IQCH: variants seen among roughly 807,000 people sequenced by gnomAD.
IQCH encodes the protein IQ domain-containing protein H.
IQCH carries 98 observed loss-of-function variants against 117.0 expected under a neutral mutation model. The observed-to-expected ratio is 0.84, with a 90% CI of 0.71 to 0.99. The LOEUF (loss-of-function observed/expected upper bound fraction) is 0.99. IQCH is among the 50% of genes least tolerant of loss of function. The probability of loss-of-function intolerance (pLI) is 0.00; values close to 1 mark genes in which losing one functional copy is unlikely to be tolerated. For missense variants in IQCH, 1,102 were observed against 1,243.8 expected, an observed-to-expected ratio of 0.89 and a Z score of 1.72; for synonymous variants, 412 against 448.2, an observed-to-expected ratio of 0.92 and a Z score of 1.02.
At chr15:67,389,698 T>C (rs769147299) in intron 12 of IQCH, among the ~76,000 whole-genome samples, 2 of 152,208 alleles carry the variant, frequency 1.3e-5, no homozygotes, top group Admixed American at 6.5e-5. Flanking sequence ...TAATGGACTA[T>C]GCATTTTTGA....
chr15:67,372,337 T>A lies in IQCH; in HGVS notation c.980T>A (p.Leu327His). 1.2e-6 allele frequency: 2 copies of A among 1,614,052 alleles called. No homozygotes were observed. Among genetic ancestry groups the A allele is most frequent in the Non-Finnish European group, 1.7e-6 (2 of 1,179,990 alleles). The change falls in exon 9 of 21, where the codon CTC becomes CAC. Residue 327 changes from leucine to histidine, a missense_variant. Coordinates refer to ENST00000335894, the MANE Select transcript of IQCH (RefSeq NM_001031715.3). Reference protein sequence around the residue: ...VKIKGNNLVALLPEFELTNKL... With the variant: ...VKIKGNNLVAHLPEFELTNKL... Reference sequence around the variant, plus strand: ...ATAAAAGGGAATAATTTGGTGGCCCTCCTTCCAGAGTTTGAGCTGACGAAT... The same window carrying A: ...ATAAAAGGGAATAATTTGGTGGCCCACCTTCCAGAGTTTGAGCTGACGAAT...
rs2082922898 is a variant in IQCH, at chr15:67,465,993, A to G, written c.2676+696A>G. Among the ~76,000 whole-genome samples, 1 of 152,180 alleles carries G rather than the reference A, an allele frequency of 6.6e-6. No individual in the cohort carries two copies. The highest frequency in any genetic ancestry group is 6.5e-5 in the Admixed American group (1 of 15,278). On this transcript the variant is annotated intron_variant, in intron 17 of 20. Transcript: ENST00000335894. The surrounding 1 kb of genome is among the most constrained non-coding windows in gnomAD (Gnocchi z 5.9). ...GGCAAGGTGAAAAGCCAGTCTGAGC[A>G]TGTTGTTCCCCTGTGTGTGATTTTG...
At chr15:67,371,451 G>A in intron 8 of IQCH, 2 of 1,518,028 alleles carry the variant, frequency 1.3e-6, no homozygotes, top group South Asian at 2.8e-5. Flanking sequence ...ATCCACCTGG[G>A]ACAGCCCCAG....
Position 67,496,736 on chromosome 15 carries a change from C to T in IQCH, c.2970+2370C>T, listed in dbSNP as rs1430922113. ...GAAGAAGAAATAAAAGTAAAAGTAT[C>T]GGCCGGGCACGGTGGCTCACGCCTG... On this transcript the variant is annotated intron_variant, in intron 20 of 20. Coordinates refer to ENST00000335894, the MANE Select transcript of IQCH (RefSeq NM_001031715.3). The surrounding 1 kb of genome is among the most constrained non-coding windows in gnomAD (Gnocchi z 4.4). Among the ~76,000 whole-genome samples the T allele has an allele frequency of 6.6e-6, 1 of 151,772 alleles. No individual in the cohort carries two copies. The highest frequency in any genetic ancestry group is 1.5e-5 in the Non-Finnish European group (1 of 67,920).
chr15:67,419,734 A>T (rs898620427), intron 15 of IQCH, among the ~76,000 whole-genome samples: 4 of 152,104 alleles, frequency 2.6e-5, no homozygotes, highest in Non-Finnish European at 5.9e-5. Flanking sequence ...ATTGTTTACA[A>T]TTCACAATTT....
rs1430668723 is a variant in IQCH at position 67,342,604 on chromosome 15, A to G, written c.509-1459A>G. On this transcript the variant is annotated intron_variant, in intron 5 of 20. Coordinates refer to ENST00000335894, the MANE Select transcript of IQCH (RefSeq NM_001031715.3). This position sits in a 1 kb window ranked among gnomAD's most constrained non-coding sequence, Gnocchi z 4.7. ...GCAAAACAGAGTTCTTGGAAATGAA[A>G]TTTGATATTTATAGGTGGAAAATAT... is the stretch of plus-strand genomic sequence containing the variant. 2.6e-5 allele frequency among the ~76,000 whole-genome samples: 4 copies of G among 152,288 alleles called. No individual in the cohort carries two copies. In the East Asian group the frequency reaches 5.8e-4, roughly 22 times the overall value.
chr15:67,286,323 GT>G (rs1966559751), intron 4 of IQCH, among the ~76,000 whole-genome samples: 1 of 152,230 alleles, frequency 6.6e-6, no homozygotes, highest in East Asian at 1.9e-4. Flanking sequence ...AGTTCTAATA[GT>G]TTTTTGGTGG....
In IQCH at chr15:67,465,580, CA is replaced by C. The variant is rs1310486302; in HGVS notation, c.2676+285del. Among the ~76,000 whole-genome samples the C allele has an allele frequency of 1.3e-5, 2 of 152,194 alleles. No individual in the cohort carries two copies. The highest frequency in any genetic ancestry group is 2.4e-5 in the African/African-American group (1 of 41,456). ...ACACCTACACCCATTGCCTCAACTA[CA>C]AGCTGTTTCACACAAAACCCATATT... On this transcript the variant is annotated intron_variant, in intron 17 of 20. Transcript: ENST00000335894. The surrounding 1 kb of genome is among the most constrained non-coding windows in gnomAD (Gnocchi z 5.9).
chr15:67,391,111 T>C lies in IQCH; in HGVS notation c.1632+2105T>C, dbSNP rs1971271629. Reference sequence around the variant, plus strand: ...ATCCTATTACCTGAGAACCATACCCTTGCTAGTCCACTCTGGCTTCTAGTG... The same window carrying C: ...ATCCTATTACCTGAGAACCATACCCCTGCTAGTCCACTCTGGCTTCTAGTG... On this transcript the variant is annotated intron_variant, in intron 12 of 20. Transcript: ENST00000335894. This position sits in a 1 kb window ranked among gnomAD's most constrained non-coding sequence, Gnocchi z 4.3. Among the ~76,000 whole-genome samples the C allele has an allele frequency of 6.6e-6, 1 of 152,132 alleles. No individual in the cohort carries two copies. Among genetic ancestry groups the C allele is most frequent in the South Asian group, 2.1e-4 (1 of 4,828 alleles).
In IQCH at chr15:67,473,834, A is replaced by G. The variant is rs970248054; in HGVS notation, c.2677-1862A>G. On this transcript the variant is annotated intron_variant, in intron 17 of 20. Transcript: ENST00000335894. The surrounding 1 kb of genome is among the most constrained non-coding windows in gnomAD (Gnocchi z 4.9). The stretch of plus-strand genomic sequence containing the variant: ...ATTTTCTGTTGTTAGAAAAATCCCA[A>G]TGGCTACAAATGGGACGCTACAAGT... Among the ~76,000 whole-genome samples the G allele has an allele frequency of 6.6e-6, 1 of 152,088 alleles. No individual in the cohort carries two copies. Among genetic ancestry groups the G allele is most frequent in the African/African-American group, 2.4e-5 (1 of 41,380 alleles).
In IQCH at chr15:67,303,515, C is replaced by A. The variant is rs1967153303; in HGVS notation, c.387+24003C>A. Among the ~76,000 whole-genome samples, 5 of 152,172 alleles carry A rather than the reference C, an allele frequency of 3.3e-5. No individual in the cohort carries two copies. In the South Asian group the frequency reaches 1.0e-3, roughly 32 times the overall value. On this transcript the variant is annotated intron_variant, in intron 4 of 20. Transcript: ENST00000335894. ...CCCTACGTGCCAAATTATTTTTTAGCCTCAAATCATAGAATCCCAAAGCTT... is the reference window on the plus strand; with the variant it reads ...CCCTACGTGCCAAATTATTTTTTAGACTCAAATCATAGAATCCCAAAGCTT...
intron 16 of IQCH, among the ~76,000 whole-genome samples, chr15:67,434,510 C>G (rs1319964257): frequency 6.6e-6 from 1 of 152,198 alleles, no homozygotes; most frequent in East Asian, 1.9e-4. Context: ...CTGTCATCAA[C>G]TGACACTTAG....
At chr15:67,357,244 G>A in intron 6 of IQCH, 101 bp from the exon 7 acceptor site, 5 of 779,136 alleles carry the variant, frequency 6.4e-6, no homozygotes, top group Non-Finnish European at 1.2e-5. Flanking sequence ...CACAGTGGGT[G>A]ACAGAGCCAT....
At chr15:67,304,397 C>A in intron 4 of IQCH, 1 of 1,535,054 alleles carries the variant, frequency 6.5e-7, no homozygotes, top group Non-Finnish European at 8.7e-7. Context: ...CACCACAGAG[C>A]TGCTGTAAAT....
chr15:67,455,149 C>A (rs1488102309), intron 16 of IQCH, among the ~76,000 whole-genome samples: 1 of 152,088 alleles, frequency 6.6e-6, no homozygotes, highest in Non-Finnish European at 1.5e-5. Flanking sequence ...TTTTTTTCCC[C>A]TTGTGTTATT....
chr15:67,274,786 G>T lies in IQCH; in HGVS notation c.270-4609G>T, dbSNP rs536191071. 2.4e-4 allele frequency among the ~76,000 whole-genome samples: 36 copies of T among 152,128 alleles called. No homozygotes were observed. The South Asian group carries it at 7.5e-3, about 32-fold the overall frequency. On this transcript the variant is annotated intron_variant, in intron 3 of 20. Coordinates refer to ENST00000335894, the MANE Select transcript of IQCH (RefSeq NM_001031715.3). ...AGTCTTCTCTCTCTGGCTTGTTTTGGTTTTTAATGGATATGCTTGCTTTTT... is the reference window on the plus strand; with the variant it reads ...AGTCTTCTCTCTCTGGCTTGTTTTGTTTTTTAATGGATATGCTTGCTTTTT...
Position 67,404,460 on chromosome 15 carries a change from A to T in IQCH, c.2097+4155A>T, listed in dbSNP as rs1272558911. 2 of 152,208 alleles carry T rather than the reference A, an allele frequency of 1.3e-5. No homozygotes were observed. The highest frequency in any genetic ancestry group is 4.8e-5 in the African/African-American group (2 of 41,450). The allele number at this position is 152,208 out of a possible 1,614,324, so 9.4% of individuals were successfully genotyped here. On this transcript the variant is annotated intron_variant, in intron 14 of 20. Coordinates refer to ENST00000335894, the MANE Select transcript of IQCH (RefSeq NM_001031715.3). The surrounding 1 kb of genome is among the most constrained non-coding windows in gnomAD (Gnocchi z 4.6). ...GAATTTAGTAGGTATTTATTAGGTG[A>T]TCCCAAAGAGCCATTGCTTGTAATC... is the stretch of plus-strand genomic sequence containing the variant.
At chr15:67,374,106 A>C (rs1970657697) in intron 10 of IQCH, 1 of 152,294 alleles carries the variant, frequency 6.6e-6, no homozygotes, top group Admixed American at 6.5e-5. Context: ...GTATGCCAAA[A>C]TGACATTGGG....
intron 4 of IQCH, among the ~76,000 whole-genome samples, chr15:67,318,506 T>C (rs1405765269): frequency 1.3e-5 from 2 of 152,224 alleles, no homozygotes; most frequent in Non-Finnish European, 2.9e-5. Context: ...TCAAAATTCC[T>C]ATGGGTTTTA....
Sources: allele counts gnomAD v4.1 joint callset (sites outside exome capture counted in the v4.1 genomes callset), GRCh38; gene constraint gnomAD v4.1.1; non-coding constraint Gnocchi (gnomAD v3.1); transcripts MANE v1.5; gene names NCBI Gene and HGNC (gene_info 2026-07-23, HGNC 2026-07-21).